ITGB1: variants seen among roughly 807,000 people sequenced by gnomAD.
The protein encoded by ITGB1 is integrin subunit beta 1.
Under a neutral mutation model 86.5 loss-of-function variants are expected in ITGB1, and 24 were observed. The ratio of observed to expected loss-of-function variants is 0.28; its 90% CI spans 0.20 to 0.39. The LOEUF is 0.39. Among genes scored for constraint, ITGB1 ranks in the 10% least tolerant of loss-of-function variants. ITGB1 has a pLI of 1.00. For synonymous variants in ITGB1, 323 were observed against 316.8 expected (o/e 1.02, Z -0.21); for missense variants, 556 against 946.9 (o/e 0.59, Z 5.42).
chr10:32,926,102 G>C lies in ITGB1; in HGVS notation c.555C>G (p.Gly185=). The change falls in exon 6 of 16, where the codon GGC becomes GGG. Residue 185 remains glycine, a synonymous_variant. Coordinates refer to ENST00000302278, the MANE Select transcript of ITGB1 (RefSeq NM_002211.4). ...RITSDFRIGF[G]SFVEKTVMPY... is the part of the protein sequence containing the mutation. ...GCATCACAGTCTTTTCCACAAATGA[G>C]CCAAATCCTGCCAAGAAAAAAATGG... The C allele has an allele frequency of 2.5e-6, 4 of 1,608,390 alleles. No individual in the cohort carries two copies. Among genetic ancestry groups the C allele is most frequent in the Non-Finnish European group, 3.4e-6 (4 of 1,175,030 alleles).
At position 32,944,841 on chromosome 10, in the gene ITGB1, T is replaced by A; in HGVS notation, c.1-9283A>T. 2.6e-6 allele frequency: 3 copies of A among 1,163,430 alleles called. No homozygotes were observed. The South Asian group carries it at 3.7e-5, about 14-fold the overall frequency. 72.1% of individuals were successfully genotyped at this position (1,163,430 alleles called of 1,614,324 possible). Reference sequence around the variant, plus strand: ...CCCAAAACTGTGGGCACTGATGATCTGACTGGGGATCCTCTCATTCAGCAT... The same window carrying A: ...CCCAAAACTGTGGGCACTGATGATCAGACTGGGGATCCTCTCATTCAGCAT... On this transcript the variant is annotated intron_variant, in intron 1 of 15. Coordinates refer to ENST00000302278, the MANE Select transcript of ITGB1 (RefSeq NM_002211.4).
chr10:32,942,135 A>T (rs1325091410), intron 1 of ITGB1, among the ~76,000 whole-genome samples: 1 of 152,158 alleles, frequency 6.6e-6, no homozygotes, highest in African/African-American at 2.4e-5. Context: ...AGAGAAAAGG[A>T]AAGTGATGAA....
chr10:32,950,809 T>C (rs1048323693), intron 1 of ITGB1, among the ~76,000 whole-genome samples: 5 of 152,184 alleles, frequency 3.3e-5, no homozygotes, highest in African/African-American at 4.8e-5. Context: ...TCCAAAGCTA[T>C]AGGTTCACAA....
At chr10:32,928,400 G>T in intron 4 of ITGB1, 136 bp from the exon 5 acceptor site, 1 of 545,136 alleles carries the variant, frequency 1.8e-6, no homozygotes, top group Non-Finnish European at 3.3e-6. Flanking sequence ...CAAAAACCTG[G>T]GAATTCCATA....
chr10:32,923,797 T>C (rs909898401), intron 6 of ITGB1, 57 bp from the exon 7 acceptor site: 4 of 1,458,194 alleles, frequency 2.7e-6, no homozygotes, highest in Non-Finnish European at 3.7e-6. Context: ...TCAACAAAAA[T>C]CCTTTAATTT....
At chr10:32,954,119 T>C (rs866923086) in intron 1 of ITGB1, among the ~76,000 whole-genome samples, 96 of 152,304 alleles carry the variant, frequency 6.3e-4, no homozygotes, top group African/African-American at 2.0e-3. Context: ...AATTGTCAAA[T>C]TGAAATCTCT....
intron 1 of ITGB1, 147 bp downstream of exon 1, chr10:32,957,998 G>GCCGCCC (rs557936108): frequency 0.091 from 13,380 of 147,824 alleles, 795 homozygotes; most frequent in Admixed American, 0.21. Flanking sequence ...ACCGCTGGCG[G>GCCGCCC]CCGCCCCCGC....
chr10:32,902,953 T>C (rs917704234), intron 15 of ITGB1, among the ~76,000 whole-genome samples: 1 of 152,154 alleles, frequency 6.6e-6, no homozygotes, highest in South Asian at 2.1e-4. Flanking sequence ...ATTGTGAAAT[T>C]GACTAGAAAA....
intron 11 of ITGB1, among the ~76,000 whole-genome samples, 181 bp from the exon 12 acceptor site, chr10:32,912,305 G>C (rs1379267001): frequency 6.6e-6 from 1 of 152,218 alleles, no homozygotes; most frequent in Non-Finnish European, 1.5e-5. Context: ...CTGGACAGTA[G>C]GTGCAGCCCA....
chr10:32,911,413 G>A (rs1565819675), intron 13 of ITGB1, 35 bp downstream of exon 13: 1 of 1,552,462 alleles, frequency 6.4e-7, no homozygotes, highest in Non-Finnish European at 8.9e-7. Context: ...CCAAGAGGAA[G>A]TATCAACTAT....
At chr10:32,957,769 CCAGCCCGGCGG>C (rs2095055646) in intron 1 of ITGB1, 1 of 152,204 alleles carries the variant, frequency 6.6e-6, no homozygotes, top group Non-Finnish European at 1.5e-5. Context: ...CTGCGCTTGC[CCAGCCCGGCGG>C]GAGACCGCAG....
At position 32,918,734 on chromosome 10, in the gene ITGB1, T is replaced by TA. The variant is rs2094939714; in HGVS notation, c.1469+1150dup. ...GTTACATTTTCAAATGGTATGCTAT[T>TA]ACATTTACTATTCCAGGTGAACTGT... On this transcript the variant is annotated intron_variant, in intron 11 of 15. Transcript: ENST00000302278. 4.6e-5 allele frequency among the ~76,000 whole-genome samples: 7 copies of TA among 152,330 alleles called. No individual in the cohort carries two copies. The South Asian group carries it at 1.5e-3, about 32-fold the overall frequency.
At chr10:32,904,914 T>C (rs1539385) in intron 15 of ITGB1, among the ~76,000 whole-genome samples, 20,555 of 151,912 alleles carry the variant, frequency 0.14, 1,687 homozygotes, top group East Asian at 0.25. Context: ...CAAAATACAA[T>C]GAAAGGTACA....
At chr10:32,942,413 A>G (rs2095020598) in intron 1 of ITGB1, among the ~76,000 whole-genome samples, 1 of 152,214 alleles carries the variant, frequency 6.6e-6, no homozygotes, top group Non-Finnish European at 1.5e-5. Flanking sequence ...TGGACACCCT[A>G]ATTTATACAG....
intron 1 of ITGB1, chr10:32,953,558 A>AAG (rs2095046691): frequency 6.6e-6 from 1 of 151,788 alleles, no homozygotes; most frequent in African/African-American, 2.4e-5. Context: ...AAAAAAAAAA[A>AAG]GTTGCTCATG....
chr10:32,942,942 G>A (rs1344731498), intron 1 of ITGB1, among the ~76,000 whole-genome samples: 1 of 152,122 alleles, frequency 6.6e-6, no homozygotes, highest in African/African-American at 2.4e-5. Context: ...CATGAGTCCA[G>A]GAGTTGGAAG....
intron 4 of ITGB1, 76 bp from the exon 5 acceptor site, chr10:32,928,340 T>C (rs1177344135): frequency 4.7e-5 from 32 of 686,884 alleles, no homozygotes; most frequent in Admixed American, 3.4e-4. Flanking sequence ...CAAATAAATG[T>C]GGTTTACACG....
intron 15 of ITGB1, among the ~76,000 whole-genome samples, chr10:32,907,632 T>C (rs1391178372): frequency 1.3e-5 from 2 of 152,044 alleles, no homozygotes; most frequent in Non-Finnish European, 2.9e-5. Flanking sequence ...GTCAACACTT[T>C]CCCCCATTCC....
At chr10:32,939,739 A>G (rs1593880470) in intron 1 of ITGB1, among the ~76,000 whole-genome samples, 1 of 130,070 alleles carries the variant, frequency 7.7e-6, no homozygotes, top group African/African-American at 2.6e-5. Context: ...TGAGTGAGTG[A>G]GTGAGTGAGT....
Sources: gnomAD v4.1 joint callset for allele counts (sites outside exome capture counted in the v4.1 genomes callset) on GRCh38, gnomAD v4.1.1 for gene constraint, MANE v1.5 for transcripts, NCBI Gene and HGNC (gene_info 2026-07-23, HGNC 2026-07-21) for gene names.